MEMO1: variants seen among roughly 807,000 people sequenced by gnomAD.
The protein encoded by MEMO1 is mediator of cell motility 1.
MEMO1 carries 6 observed loss-of-function variants against 45.2 expected under a neutral mutation model. The ratio of observed to expected loss-of-function variants is 0.13; its 90% CI spans 0.07 to 0.26. MEMO1 has a LOEUF of 0.26. Ranked by LOEUF, MEMO1 falls within the 10% of genes least tolerant of loss-of-function variation. The probability of loss-of-function intolerance (pLI) is 1.00; values close to 1 mark genes in which losing one functional copy is unlikely to be tolerated. For missense variants in MEMO1, 184 were observed against 370.5 expected (o/e 0.50, Z 4.13); for synonymous variants, 78 against 124.3 (o/e 0.63, Z 2.48).
At chr2:31,889,221 G>A (rs1008068714) in intron 7 of MEMO1, among the ~76,000 whole-genome samples, 1 of 152,064 alleles carries the variant, frequency 6.6e-6, no homozygotes, top group Non-Finnish European at 1.5e-5. Context: ...CTTCCACTGT[G>A]TGTAGCTGAG....
chr2:31,891,999 G>A lies in MEMO1; in HGVS notation c.573C>T (p.Cys191=), dbSNP rs1423294967. 6.2e-7 allele frequency: 1 copy of A among 1,610,446 alleles called. No homozygotes were observed. The highest frequency in any genetic ancestry group is 8.5e-7 in the Non-Finnish European group (1 of 1,178,966). ...SNLFVVSSDF[C]HWGQRFRYSY... is the part of the protein sequence containing the mutation. ...TTAAAATCTAGAACTTACCCCAATG[G>A]CAGAAATCAGAAGAAACCACAAAGA... Residue 191 remains cysteine, a synonymous_variant, in exon 7 of 10, where the codon TGC becomes TGT. Coordinates refer to ENST00000404530, the MANE Select transcript of MEMO1 (RefSeq NM_001301833.4).
intron 2 of MEMO1, among the ~76,000 whole-genome samples, chr2:32,009,282 C>A (rs1199764813): frequency 6.6e-6 from 1 of 152,070 alleles, no homozygotes. Context: ...GGCGACTGCT[C>A]GGGAAAAGTG....
chr2:31,959,370 A>G (rs1036351806), intron 2 of MEMO1, among the ~76,000 whole-genome samples: 1 of 152,176 alleles, frequency 6.6e-6, no homozygotes. Context: ...AGTTGGGCCA[A>G]TAAGGAAGGG....
At chr2:31,884,959 G>C (rs1441963643) in intron 7 of MEMO1, among the ~76,000 whole-genome samples, 4 of 151,948 alleles carry the variant, frequency 2.6e-5, no homozygotes, top group African/African-American at 9.7e-5. Flanking sequence ...TTAAAACAAT[G>C]ATAATTTATT....
intron 6 of MEMO1, among the ~76,000 whole-genome samples, chr2:31,895,957 C>T (rs1046513681): frequency 1.3e-5 from 2 of 150,762 alleles, no homozygotes; most frequent in Non-Finnish European, 2.9e-5. Flanking sequence ...CACTCTCCTG[C>T]CTCAGCCTCC....
chr2:31,926,230 G>C (rs1683086723), intron 4 of MEMO1, among the ~76,000 whole-genome samples: 1 of 152,032 alleles, frequency 6.6e-6, no homozygotes, highest in Non-Finnish European at 1.5e-5. Flanking sequence ...AAAATAGCCA[G>C]GCATGCTGGC....
intron 4 of MEMO1, among the ~76,000 whole-genome samples, chr2:31,925,459 G>A (rs370529828): frequency 1.8e-5 from 2 of 109,716 alleles, no homozygotes; most frequent in African/African-American, 7.5e-5. Flanking sequence ...CTGGGGGACA[G>A]AGCAAGACTC....
intron 6 of MEMO1, among the ~76,000 whole-genome samples, chr2:31,905,901 T>C (rs1046211877): frequency 3.9e-5 from 6 of 152,180 alleles, no homozygotes; most frequent in African/African-American, 1.2e-4. Flanking sequence ...ACTATTTCTA[T>C]TTATTTCTTC....
intron 2 of MEMO1, among the ~76,000 whole-genome samples, chr2:31,981,292 C>T (rs1670611126): frequency 2.0e-5 from 3 of 152,180 alleles, no homozygotes; most frequent in Non-Finnish European, 4.4e-5. Flanking sequence ...CTGCCCATTT[C>T]CTCAACCACT....
At chr2:31,932,192 G>A in intron 3 of MEMO1, 57 bp from the exon 4 acceptor site, 2 of 1,484,262 alleles carry the variant, frequency 1.3e-6, no homozygotes, top group South Asian at 1.2e-5. Context: ...AGATATTCTA[G>A]AAAGAAAAAC....
intron 2 of MEMO1, among the ~76,000 whole-genome samples, chr2:31,993,945 C>CTTT (rs1558562652): frequency 4.8e-5 from 6 of 124,578 alleles, no homozygotes; most frequent in African/African-American, 1.8e-4. Flanking sequence ...ATCATCAATA[C>CTTT]TTTCTTTTTT....
intron 2 of MEMO1, among the ~76,000 whole-genome samples, chr2:31,990,571 CTTTTTTTTTTT>C (rs34456440): frequency 8.3e-6 from 1 of 119,998 alleles, no homozygotes; most frequent in Non-Finnish European, 1.8e-5. Context: ...AATTTTTTTT[CTTTTTTTTTTT>C]TTTTTTTGGT....
At chr2:31,959,783 G>A (rs1454609980) in intron 2 of MEMO1, among the ~76,000 whole-genome samples, 1 of 10,016 alleles carries the variant, frequency 1.0e-4, no homozygotes, top group South Asian at 0.045. Flanking sequence ...ATCAGCAATT[G>A]TATTTTTTAT....
chr2:31,944,869 A>G (rs1270845448), intron 2 of MEMO1, among the ~76,000 whole-genome samples: 1 of 152,140 alleles, frequency 6.6e-6, no homozygotes, highest in African/African-American at 2.4e-5. Flanking sequence ...AAACATTACA[A>G]AAGAATCTAG....
intron 4 of MEMO1, among the ~76,000 whole-genome samples, chr2:31,926,846 CAA>C (rs538999946): frequency 7.3e-6 from 1 of 136,636 alleles, no homozygotes; most frequent in African/African-American, 2.7e-5. Context: ...AACTCTGCCT[CAA>C]AAAAAAAAGA....
At position 31,976,966 on chromosome 2, in the gene MEMO1, G is replaced by A. The variant is rs561922838; in HGVS notation, c.61+33221C>T. Among the ~76,000 whole-genome samples, 98 of 152,112 alleles carry A rather than the reference G, an allele frequency of 6.4e-4. 1 individual carries two copies. Among genetic ancestry groups the A allele is most frequent in the East Asian group, 5.6e-3 (29 of 5,178 alleles). On this transcript the variant is annotated intron_variant, in intron 2 of 9. Transcript: ENST00000404530. ...CTACAAAAAAGCACCAGCAACAGCC[G>A]TTTCCATCAAAAGACCTATCTAGTT...
chr2:31,910,332 T>C (rs1168359829), intron 6 of MEMO1, among the ~76,000 whole-genome samples: 1 of 152,160 alleles, frequency 6.6e-6, no homozygotes, highest in Non-Finnish European at 1.5e-5. Flanking sequence ...AGCAAGCAAG[T>C]ACATTAGAGA....
At chr2:31,976,376 G>A (rs1035697859) in intron 2 of MEMO1, among the ~76,000 whole-genome samples, 1 of 151,964 alleles carries the variant, frequency 6.6e-6, no homozygotes, top group Non-Finnish European at 1.5e-5. Context: ...CCAGGAGTTC[G>A]AAACCAGGCA....
intron 2 of MEMO1, among the ~76,000 whole-genome samples, chr2:32,002,168 A>AAAAAAAAT (rs1553383012): frequency 2.7e-5 from 2 of 74,906 alleles, no homozygotes; most frequent in Non-Finnish European, 4.8e-5. Flanking sequence ...AAAAAAAAAA[A>AAAAAAAAT]ATATATATAT....
Sources: allele counts gnomAD v4.1 joint callset (sites outside exome capture counted in the v4.1 genomes callset), GRCh38; gene constraint gnomAD v4.1.1; transcripts MANE v1.5; gene names NCBI Gene and HGNC (gene_info 2026-07-23, HGNC 2026-07-21).